Variants in CRYBG3 observed in about 807,000 individuals in gnomAD.
The protein encoded by CRYBG3 is very large A-kinase anchor protein.
A neutral mutation model predicts 244.2 loss-of-function variants in CRYBG3; 127 were observed. That is an observed-to-expected ratio of 0.52 (90% CI 0.45 to 0.60). CRYBG3 has a LOEUF of 0.60. Among genes scored for constraint, CRYBG3 ranks in the 20% least tolerant of loss-of-function variants. The pLI, the probability that CRYBG3 is intolerant of heterozygous loss-of-function variation, is 0.00. For synonymous variants in CRYBG3, 1,132 were observed against 1,195.8 expected (o/e 0.95, Z 1.10); for missense variants, 3,325 against 3,442.5 (o/e 0.97, Z 0.85).
chr3:97,917,330 G>A (rs1450635249), intron 17 of CRYBG3, among the ~76,000 whole-genome samples: 2 of 152,056 alleles, frequency 1.3e-5, no homozygotes, highest in African/African-American at 2.4e-5. Flanking sequence ...TATCCAGGCA[G>A]CATAAGTGAA....
chr3:97,843,724 G>A (rs1034591367), intron 2 of CRYBG3, among the ~76,000 whole-genome samples: 4 of 152,146 alleles, frequency 2.6e-5, no homozygotes, highest in Non-Finnish European at 5.9e-5. Flanking sequence ...TTTGCATGTC[G>A]TTCTTGGCTT....
At chr3:97,879,215 T>C (rs1417801688) in intron 4 of CRYBG3, among the ~76,000 whole-genome samples, 1 of 152,180 alleles carries the variant, frequency 6.6e-6, no homozygotes, top group Non-Finnish European at 1.5e-5. Flanking sequence ...CACTCTGTGT[T>C]TCCTACCAGT....
At chr3:97,834,416 A>G (rs1404198833) in intron 1 of CRYBG3, among the ~76,000 whole-genome samples, 4 of 152,166 alleles carry the variant, frequency 2.6e-5, no homozygotes, top group African/African-American at 9.6e-5. Flanking sequence ...TAGAAGATAT[A>G]GTAGAAATTT....
rs567598616 is a variant in CRYBG3 at position 97,920,579 on chromosome 3, G to C, written c.8241+4843G>C. Reference sequence around the variant, plus strand: ...GAGTCTGGCTCTGTCACCTAGGCTGGGGTGCAGTGGCACCATCTTGGCTCA... The same window carrying C: ...GAGTCTGGCTCTGTCACCTAGGCTGCGGTGCAGTGGCACCATCTTGGCTCA... On this transcript the variant is annotated intron_variant, in intron 17 of 21. Coordinates refer to ENST00000389622, the MANE Select transcript of CRYBG3 (RefSeq NM_153605.4). Among the ~76,000 whole-genome samples, 170 of 151,766 alleles carry C rather than the reference G, an allele frequency of 1.1e-3. 1 individual carries two copies. Among genetic ancestry groups the C allele is most frequent in the African/African-American group, 4.0e-3 (165 of 41,416 alleles).
Position 97,886,688 on chromosome 3 carries a change from G to A in CRYBG3, c.7210G>A (p.Val2404Ile), listed in dbSNP as rs1343906225. The A allele has an allele frequency of 1.2e-6, 2 of 1,612,140 alleles. No homozygotes were observed. The highest frequency in any genetic ancestry group is 2.2e-5 in the East Asian group (1 of 44,832). The change falls in exon 8 of 22, where the codon GTC becomes ATC. Residue 2404 changes from valine to isoleucine, a missense_variant. Physicochemically the swap from Val to Ile is conservative, Grantham distance 29. Coordinates refer to ENST00000389622, the MANE Select transcript of CRYBG3 (RefSeq NM_153605.4). ...FPQSDPACCPVYIQRAVPNLE... is the reference protein window; with the variant it reads ...FPQSDPACCPIYIQRAVPNLE... ...ACAATCTGACCCAGCCTGTTGTCCT[G>A]TCTACATACAGAGAGCAGTCCCCAA... is the stretch of plus-strand genomic sequence containing the variant.
chr3:97,866,134 C>T (rs1345533333), intron 3 of CRYBG3, among the ~76,000 whole-genome samples: 1 of 151,674 alleles, frequency 6.6e-6, no homozygotes, highest in Non-Finnish European at 1.5e-5. Flanking sequence ...GAGTTTTTTC[C>T]CCTGTTAAAT....
In CRYBG3 at chr3:97,874,820, A is replaced by G; in HGVS notation, c.3626A>G (p.Asn1209Ser). ...KADTLIGEIF[N>S]SVREELKFKH... ...GATACATTGATTGGTGAGATTTTTA[A>G]TTCTGTCAGGGAAGAACTAAAATTC... The change falls in exon 4 of 22, where the codon AAT becomes AGT. Residue 1209 changes from asparagine (N) to serine (S), a missense_variant. Physicochemically the swap from Asn to Ser is conservative, Grantham distance 46. Transcript: ENST00000389622. The G allele has an allele frequency of 1.3e-6, 2 of 1,536,030 alleles. No individual in the cohort carries two copies. The highest frequency in any genetic ancestry group is 1.7e-6 in the Non-Finnish European group (2 of 1,146,856).
intron 8 of CRYBG3, 38 bp downstream of exon 8, chr3:97,886,805 C>T: frequency 2.7e-6 from 4 of 1,469,152 alleles, no homozygotes; most frequent in Middle Eastern, 1.8e-4. Flanking sequence ...TGATTGATGG[C>T]CACCAATTTC....
intron 17 of CRYBG3, among the ~76,000 whole-genome samples, chr3:97,927,799 GA>G (rs2040055448): frequency 6.6e-6 from 1 of 152,036 alleles, no homozygotes; most frequent in Admixed American, 6.6e-5. Context: ...ACAAGCATAT[GA>G]AAAAATGCTC....
At chr3:97,838,093 T>G (rs2038759600) in intron 1 of CRYBG3, among the ~76,000 whole-genome samples, 1 of 152,096 alleles carries the variant, frequency 6.6e-6, no homozygotes, top group Non-Finnish European at 1.5e-5. Flanking sequence ...CCCAGAAGCT[T>G]CCCTTGTGCT....
In CRYBG3 at chr3:97,873,515, C is replaced by T. The variant is rs1054146565; in HGVS notation, c.2321C>T (p.Ser774Phe). Reference protein sequence around the residue: ...DSGNLSKDCSSILSQDPNRVE... With the variant: ...DSGNLSKDCSFILSQDPNRVE... The stretch of plus-strand genomic sequence containing the variant: ...GGAAACCTCTCTAAGGATTGCAGTT[C>T]CATTTTATCTCAAGACCCTAATAGA... Residue 774 changes from serine to phenylalanine, a missense_variant, in exon 4 of 22, where the codon TCC (serine) becomes TTC (phenylalanine). Physicochemically the swap from Ser to Phe is radical, Grantham distance 155 (BLOSUM62 -2). Coordinates refer to ENST00000389622, the MANE Select transcript of CRYBG3 (RefSeq NM_153605.4). The T allele has an allele frequency of 1.2e-5, 19 of 1,535,840 alleles. No individual in the cohort carries two copies. In the African/African-American group the frequency reaches 2.5e-4, roughly 20 times the overall value.
At chr3:97,852,904 A>G (rs2039008382) in intron 2 of CRYBG3, among the ~76,000 whole-genome samples, 1 of 152,112 alleles carries the variant, frequency 6.6e-6, no homozygotes, top group Non-Finnish European at 1.5e-5. Context: ...GTGGTTTTGA[A>G]GTGCATTTCC....
At chr3:97,888,578 A>G in intron 9 of CRYBG3, 123 bp downstream of exon 9, 1 of 700,238 alleles carries the variant, frequency 1.4e-6, no homozygotes, top group Non-Finnish European at 2.6e-6. Context: ...GAATTGGCAA[A>G]CTATTGTACT....
At chr3:97,918,811 C>T (rs1295616761) in intron 17 of CRYBG3, among the ~76,000 whole-genome samples, 2 of 152,178 alleles carry the variant, frequency 1.3e-5, no homozygotes, top group Non-Finnish European at 2.9e-5. Context: ...GGGGACATGA[C>T]TATTTTCATG....
intron 15 of CRYBG3, among the ~76,000 whole-genome samples, chr3:97,909,589 T>G (rs1293766476): frequency 1.3e-5 from 2 of 150,182 alleles, no homozygotes; most frequent in Admixed American, 6.6e-5. Flanking sequence ...GCCTTGGTTT[T>G]CAGCTCCATC....
At chr3:97,861,925 T>G (rs776202253) in intron 2 of CRYBG3, among the ~76,000 whole-genome samples, 2 of 152,164 alleles carry the variant, frequency 1.3e-5, no homozygotes, top group Admixed American at 1.3e-4. Context: ...TCAGAAACTT[T>G]TTGTTGTTGA....
At chr3:97,909,960 T>C (rs1429922886) in intron 15 of CRYBG3, among the ~76,000 whole-genome samples, 1 of 150,850 alleles carries the variant, frequency 6.6e-6, no homozygotes, top group Admixed American at 6.6e-5. Context: ...TAGTTTTCCT[T>C]CTAACAGACA....
intron 17 of CRYBG3, chr3:97,924,526 A>G: frequency 8.0e-6 from 3 of 374,720 alleles, no homozygotes; most frequent in Non-Finnish European, 1.5e-5. Flanking sequence ...GAAGTCTGAA[A>G]TTGGTCTTAC....
At chr3:97,887,589 T>C (rs2039524345) in intron 8 of CRYBG3, among the ~76,000 whole-genome samples, 1 of 151,982 alleles carries the variant, frequency 6.6e-6, no homozygotes, top group Non-Finnish European at 1.5e-5. Flanking sequence ...CCATCTCTAC[T>C]AAAAAAATAC....
Sources: gnomAD v4.1 joint callset for allele counts (sites outside exome capture counted in the v4.1 genomes callset) on GRCh38, gnomAD v4.1.1 for gene constraint, MANE v1.5 for transcripts, NCBI Gene and HGNC (gene_info 2026-07-23, HGNC 2026-07-21) for gene names.